Variants in MEI1 observed in about 807,000 individuals in gnomAD.
MEI1 encodes the protein meiosis inhibitor protein 1.
Under a neutral mutation model 146.2 loss-of-function variants are expected in MEI1, and 103 were observed. The observed-to-expected ratio is 0.70, with a 90% CI of 0.60 to 0.83. The LOEUF (loss-of-function observed/expected upper bound fraction) is 0.83, where lower values mean the gene tolerates loss of function less well. MEI1 is among the 40% of genes least tolerant of loss of function. The pLI, the probability that MEI1 is intolerant of heterozygous loss-of-function variation, is 0.00. For synonymous variants in MEI1, 652 were observed against 628.2 expected (o/e 1.04, Z -0.57); for missense variants, 1,529 against 1,533.0 (o/e 1.00, Z 0.04).
rs183465473 is a variant in MEI1 at position 41,763,251 on chromosome 22, C to A, written c.2198C>A (p.Pro733Gln). The A allele has an allele frequency of 9.5e-4, 1,532 of 1,613,814 alleles. 2 individuals carry two copies. Among genetic ancestry groups the A allele is most frequent in the South Asian group, 1.7e-3 (152 of 91,074 alleles). The change falls in exon 19 of 31, where the codon CCA becomes CAA. Residue 733 changes from proline to glutamine, a missense_variant. Physicochemically the swap from Pro to Gln is moderately conservative, Grantham distance 76. Transcript: ENST00000401548. The part of the protein sequence containing the change: ...LSLQDQGERP[P>Q]LVVFKASIYL... ...CTGCAGGACCAGGGCGAGCGCCCCC[C>A]ACTGGTGGTCTTCAAAGCCTCCATC...
intron 19 of MEI1, among the ~76,000 whole-genome samples, chr22:41,765,611 G>A (rs181844088): frequency 2.0e-5 from 3 of 152,100 alleles, no homozygotes; most frequent in African/African-American, 4.8e-5. Flanking sequence ...CAAAGACACC[G>A]ATTAGCCAGA....
At chr22:41,775,941 A>G (rs1475141951) in intron 20 of MEI1, 161 bp from the exon 21 acceptor site, 16 of 651,818 alleles carry the variant, frequency 2.5e-5, no homozygotes, top group Non-Finnish European at 3.6e-5. Flanking sequence ...CAGTGCACCT[A>G]GAAGAGCCTT....
At chr22:41,755,995 A>T (rs2074069465) in intron 17 of MEI1, among the ~76,000 whole-genome samples, 2 of 152,130 alleles carry the variant, frequency 1.3e-5, no homozygotes, top group African/African-American at 4.8e-5. Context: ...TCTGAAAACA[A>T]AGTCTTAACA....
At position 41,770,910 on chromosome 22, in the gene MEI1, AGTC is replaced by A. The variant is rs1202267179; in HGVS notation, c.2494_2496del (p.Val832del). 6.2e-7 allele frequency: 1 copy of A among 1,614,030 alleles called. No homozygotes were observed. Among genetic ancestry groups the A allele is most frequent in the Non-Finnish European group, 8.5e-7 (1 of 1,179,892 alleles). ...AGCCCGCCCTTCCTGCCAGCTTAGTAGTCCTGTTCCAGTTGCTCAGAAGCATCC... is the reference window on the plus strand; with the variant it reads ...AGCCCGCCCTTCCTGCCAGCTTAGTACTGTTCCAGTTGCTCAGAAGCATCC... On this transcript the variant is annotated inframe_deletion, in exon 20 of 31. Transcript: ENST00000401548.
chr22:41,717,367 T>G (rs1214882313), intron 5 of MEI1, among the ~76,000 whole-genome samples: 1 of 152,110 alleles, frequency 6.6e-6, no homozygotes, highest in Non-Finnish European at 1.5e-5. Context: ...TTCGCCATGT[T>G]GGCCAGACTG....
chr22:41,762,272 C>T (rs2074542393), intron 18 of MEI1, among the ~76,000 whole-genome samples: 1 of 151,818 alleles, frequency 6.6e-6, no homozygotes, highest in Non-Finnish European at 1.5e-5. Flanking sequence ...CATTCCTGTC[C>T]TGTCCTATCC....
intron 11 of MEI1, among the ~76,000 whole-genome samples, chr22:41,740,420 G>A (rs2072762640): frequency 6.6e-6 from 1 of 151,928 alleles, no homozygotes; most frequent in Admixed American, 6.6e-5. Context: ...CAACTAGAAG[G>A]AAGAATGAAG....
chr22:41,763,275 T>C lies in MEI1; in HGVS notation c.2222T>C (p.Ile741Thr), dbSNP rs747013401. 3 of 1,613,870 alleles carry C rather than the reference T, an allele frequency of 1.9e-6. No homozygotes were observed. The African/African-American group carries it at 4.0e-5, about 22-fold the overall frequency. ...CCACTGGTGGTCTTCAAAGCCTCCATCTATCTGCTTGCAATCTGCCAGGAC... is the reference window on the plus strand; with the variant it reads ...CCACTGGTGGTCTTCAAAGCCTCCACCTATCTGCTTGCAATCTGCCAGGAC... ...RPPLVVFKAS[I>T]YLLAICQDKD... is the part of the protein sequence containing the mutation. Residue 741 changes from isoleucine (I) to threonine (T), a missense_variant, in exon 19 of 31, where the codon ATC (isoleucine) becomes ACC (threonine). Ile to Thr is a moderately conservative substitution (Grantham distance 89, BLOSUM62 -1). Around this residue, in one of 3 missense-constraint regions of MEI1, gnomAD observed 1,212 missense variants for 1,178.9 expected, o/e 1.03. Coordinates refer to ENST00000401548, the MANE Select transcript of MEI1 (RefSeq NM_152513.4).
At position 41,760,152 on chromosome 22, in the gene MEI1, A is replaced by G. The variant is rs376298257; in HGVS notation, c.2120+1619A>G. ...GTGAAACCCCGTCTCTACTAAAAAT[A>G]CAAAAAAATTAGCCGGGCGTGGTGG... On this transcript the variant is annotated intron_variant, in intron 18 of 30. Transcript: ENST00000401548. 1.4e-3 allele frequency among the ~76,000 whole-genome samples: 213 copies of G among 152,014 alleles called. No individual in the cohort carries two copies. The East Asian group carries it at 0.015, about 11-fold the overall frequency.
At chr22:41,791,012 G>T (rs2076162811) in intron 26 of MEI1, among the ~76,000 whole-genome samples, 1 of 152,134 alleles carries the variant, frequency 6.6e-6, no homozygotes, top group South Asian at 2.1e-4. Flanking sequence ...AGGGCATTCC[G>T]GCAGGACAAC....
intron 15 of MEI1, 151 bp from the exon 16 acceptor site, chr22:41,752,440 C>T (rs371033991): frequency 1.5e-5 from 10 of 674,946 alleles, no homozygotes; most frequent in South Asian, 5.8e-5. Context: ...AAAACTTTTC[C>T]GGAGTGAAAC....
intron 7 of MEI1, among the ~76,000 whole-genome samples, chr22:41,728,627 G>T (rs1208852063): frequency 6.6e-6 from 1 of 152,200 alleles, no homozygotes; most frequent in African/African-American, 2.4e-5. Context: ...CATTTGGGGA[G>T]GCCAAGGCAG....
chr22:41,712,344 C>T (rs1038921143), intron 3 of MEI1, among the ~76,000 whole-genome samples: 6 of 151,448 alleles, frequency 4.0e-5, no homozygotes, highest in African/African-American at 1.5e-4. Flanking sequence ...ACGCCATTCT[C>T]CTGCCTCGGT....
At chr22:41,777,768 G>A (rs2075532718) in intron 21 of MEI1, among the ~76,000 whole-genome samples, 2 of 152,124 alleles carry the variant, frequency 1.3e-5, no homozygotes, top group African/African-American at 4.8e-5. Context: ...GAAAGATTCA[G>A]TGTCTGGTGA....
intron 11 of MEI1, among the ~76,000 whole-genome samples, chr22:41,741,955 A>G (rs2147738927): frequency 6.6e-6 from 1 of 151,562 alleles, no homozygotes; most frequent in Middle Eastern, 3.4e-3. Flanking sequence ...AAAAAAAAAA[A>G]AAAAAGAGAA....
chr22:41,773,415 T>C (rs1005076614), intron 20 of MEI1, among the ~76,000 whole-genome samples: 1 of 152,120 alleles, frequency 6.6e-6, no homozygotes, highest in African/African-American at 2.4e-5. Context: ...TCACTAATCA[T>C]TGACTGCCTC....
intron 7 of MEI1, among the ~76,000 whole-genome samples, chr22:41,729,252 G>A (rs1289157323): frequency 1.3e-5 from 2 of 151,204 alleles, no homozygotes; most frequent in Non-Finnish European, 2.9e-5. Context: ...AAGATCGCTG[G>A]ATACCTGGAG....
In MEI1 at chr22:41,784,334, G is replaced by T. The variant is rs760643925; in HGVS notation, c.3088-5G>T. Reference sequence around the variant, plus strand: ...GGGTTAGCCCTTTACCCTGTGCCCTGCCAGGTTCACCAGACACTCTCTGTG... The same window carrying T: ...GGGTTAGCCCTTTACCCTGTGCCCTTCCAGGTTCACCAGACACTCTCTGTG... On this transcript the variant is annotated splice_polypyrimidine_tract_variant and splice_region_variant and intron_variant, in intron 24 of 30. Coordinates refer to ENST00000401548, the MANE Select transcript of MEI1 (RefSeq NM_152513.4). 6.2e-7 allele frequency: 1 copy of T among 1,613,374 alleles called. No homozygotes were observed. The highest frequency in any genetic ancestry group is 1.1e-5 in the South Asian group (1 of 91,076).
intron 19 of MEI1, among the ~76,000 whole-genome samples, chr22:41,764,957 A>G (rs1441016294): frequency 6.6e-6 from 1 of 151,858 alleles, no homozygotes; most frequent in Non-Finnish European, 1.5e-5. Flanking sequence ...TTTTTTTCAG[A>G]ATACTAATAA....
Sources: allele counts gnomAD v4.1 joint callset (sites outside exome capture counted in the v4.1 genomes callset), GRCh38; gene constraint gnomAD v4.1.1; regional missense constraint gnomAD v4.1.1; transcripts MANE v1.5; gene names NCBI Gene and HGNC (gene_info 2026-07-23, HGNC 2026-07-21).